The following DMD variants were observed in gnomAD, a reference collection of about 807,000 sequenced individuals.
The protein encoded by DMD is mutant dystrophin.
A neutral mutation model predicts 330.1 loss-of-function variants in DMD; 63 were observed. The ratio of observed to expected loss-of-function variants is 0.19; its 90% CI spans 0.16 to 0.24. The LOEUF is 0.24. Among genes scored for constraint, DMD ranks in the 10% least tolerant of loss-of-function variants. The probability of loss-of-function intolerance (pLI) is 1.00; values close to 1 mark genes in which losing one functional copy is unlikely to be tolerated. For synonymous variants in DMD, 1,223 were observed against 959.8 expected (o/e 1.27, Z -5.07); for missense variants, 3,344 against 2,684.1 (o/e 1.25, Z -5.43).
chrX:32,815,520 T>TACACACACACACACACACACACAC (rs1557051739), intron 6 of DMD, among the ~76,000 whole-genome samples: 3 of 78,959 alleles, frequency 3.8e-5, no homozygotes, highest in African/African-American at 1.6e-4. Context: ...TATATATATA[T>TACACACACACACACACACACACAC]ACACACACAC....
intron 41 of DMD, among the ~76,000 whole-genome samples, chrX:32,317,927 T>A (rs1015119273): frequency 9.1e-6 from 1 of 110,324 alleles, no homozygotes; most frequent in Non-Finnish European, 1.9e-5. Flanking sequence ...GTGTGAGCTA[T>A]AATATGAAAA....
chrX:33,298,345 T>G (rs746047633), intron 1 of DMD, among the ~76,000 whole-genome samples: 3 of 111,787 alleles, frequency 2.7e-5, no homozygotes, highest in Non-Finnish European at 5.7e-5. Context: ...GGAAAACAAT[T>G]TCCTTCTATT....
chrX:33,251,923 T>C (rs1409107028), intron 1 of DMD, among the ~76,000 whole-genome samples: 2 of 112,452 alleles, frequency 1.8e-5, no homozygotes, highest in African/African-American at 6.5e-5. Context: ...GGGATACCCT[T>C]AGAGCTACAA....
intron 59 of DMD, among the ~76,000 whole-genome samples, chrX:31,458,783 C>T (rs747843601): frequency 5.3e-4 from 58 of 109,834 alleles, no homozygotes; most frequent in African/African-American, 1.7e-3. Flanking sequence ...CAAAGTGGGT[C>T]AGATTTCACC....
intron 1 of DMD, among the ~76,000 whole-genome samples, chrX:33,097,148 T>A (rs1183664845): frequency 9.0e-6 from 1 of 111,073 alleles, no homozygotes; most frequent in Non-Finnish European, 1.9e-5. Flanking sequence ...ATAAAACACA[T>A]AAACTATGAT....
At position 32,464,695 on chromosome X, in the gene DMD, T is replaced by C. The variant is rs757192472; in HGVS notation, c.3167A>G (p.His1056Arg). 5.1e-6 allele frequency: 6 copies of C among 1,185,521 alleles called. No homozygotes were observed. In the East Asian group the frequency reaches 1.8e-4, roughly 35 times the overall value. Residue 1056 changes from histidine (H) to arginine (R), a missense_variant, in exon 24 of 79, where the codon CAC (histidine) becomes CGC (arginine). Transcript: ENST00000357033. ...CATCCATTTCTTCAGGGTTTGTATG[T>C]GATTCTGAAACGAGACCCGTTATAA... is the stretch of plus-strand genomic sequence containing the variant. ...QMNKLRKIQN[H>R]IQTLKKWMAE...
chrX:32,538,691 A>G (rs749723864), intron 17 of DMD, among the ~76,000 whole-genome samples: 4 of 111,312 alleles, frequency 3.6e-5, no homozygotes, highest in Non-Finnish European at 7.5e-5. Context: ...TGGGCCCTAA[A>G]TCAGTAGCAG....
chrX:31,505,632 A>G (rs1233364315), intron 56 of DMD, among the ~76,000 whole-genome samples: 35 of 109,650 alleles, frequency 3.2e-4, no homozygotes, highest in Non-Finnish European at 1.9e-5. Context: ...TTTTTCTTTT[A>G]CTTTTTTCTT....
chrX:32,592,947 G>A (rs1263691751), intron 13 of DMD, among the ~76,000 whole-genome samples: 1 of 113,039 alleles, frequency 8.8e-6, no homozygotes, highest in Non-Finnish European at 1.9e-5. Context: ...CAGTACTGGT[G>A]CCTGTAGCTG....
intron 7 of DMD, among the ~76,000 whole-genome samples, chrX:32,721,561 C>A (rs1291991502): frequency 9.1e-6 from 1 of 110,399 alleles, no homozygotes; most frequent in African/African-American, 3.3e-5. Flanking sequence ...TTTAGTTTGT[C>A]ACTATGGAAT....
intron 44 of DMD, among the ~76,000 whole-genome samples, chrX:32,072,495 T>C (rs1445055639): frequency 9.0e-6 from 1 of 111,723 alleles, no homozygotes; most frequent in Non-Finnish European, 1.9e-5. Flanking sequence ...TTGTGTTCTT[T>C]CTTGACTAAC....
chrX:33,216,289 T>C (rs1262802132), upstream of DMD, among the ~76,000 whole-genome samples: 3 of 111,829 alleles, frequency 2.7e-5, no homozygotes, highest in African/African-American at 9.7e-5. Context: ...ATCATGTACT[T>C]TGCAGCAAGA....
At chrX:33,051,148 A>G (rs908062014) in intron 1 of DMD, among the ~76,000 whole-genome samples, 3 of 111,238 alleles carry the variant, frequency 2.7e-5, no homozygotes, top group Non-Finnish European at 3.8e-5. Context: ...TTTCTTTTTA[A>G]AACTAGATAA....
chrX:32,463,514 T>C lies in DMD; in HGVS notation c.3357A>G (p.Ala1119=), dbSNP rs764374263. 8.3e-7 allele frequency: 1 copy of C among 1,203,263 alleles called. No individual in the cohort carries two copies. Among genetic ancestry groups the C allele is most frequent in the South Asian group, 1.8e-5 (1 of 55,508 alleles). Residue 1119 remains alanine (A), a synonymous_variant, in exon 25 of 79, where the codon GCA becomes GCG. Coordinates refer to ENST00000357033, the MANE Select transcript of DMD (RefSeq NM_004006.3). The part of the protein sequence containing the change: ...NEGGQKIKNE[A]EPEFASRLET... ...CAAGTCTCGAAGCAAACTCTGGCTC[T>C]GCTTCATTCTTTATCTTCTGCCCAC...
intron 13 of DMD, among the ~76,000 whole-genome samples, chrX:32,584,465 T>C (rs192042692): frequency 1.8e-5 from 2 of 111,980 alleles, no homozygotes; most frequent in Non-Finnish European, 3.8e-5. Flanking sequence ...CACAAAAATA[T>C]ACGTACAATT....
chrX:32,028,545 G>C (rs759737098), intron 44 of DMD, among the ~76,000 whole-genome samples: 2 of 111,684 alleles, frequency 1.8e-5, no homozygotes, highest in Non-Finnish European at 3.8e-5. Context: ...TCAACAAGGA[G>C]ATTCTGGTAC....
chrX:33,285,271 T>C (rs2053414708), intron 1 of DMD, among the ~76,000 whole-genome samples: 1 of 110,288 alleles, frequency 9.1e-6, no homozygotes, highest in Non-Finnish European at 1.9e-5. Context: ...ATCTCTCTAT[T>C]TAAATCATAG....
At chrX:32,685,843 C>G (rs1262349516) in intron 9 of DMD, among the ~76,000 whole-genome samples, 3 of 111,616 alleles carry the variant, frequency 2.7e-5, no homozygotes, top group Admixed American at 9.6e-5. Context: ...ATAGCATTCT[C>G]ATAATTTAAA....
intron 44 of DMD, among the ~76,000 whole-genome samples, chrX:32,160,669 C>T (rs2096846280): frequency 1.8e-5 from 2 of 111,290 alleles, no homozygotes; most frequent in Non-Finnish European, 1.9e-5. Context: ...GCATACTGTA[C>T]TCAAAGTCCT....
Sources: gnomAD v4.1 joint callset for allele counts (sites outside exome capture counted in the v4.1 genomes callset) on GRCh38, gnomAD v4.1.1 for gene constraint, MANE v1.5 for transcripts, NCBI Gene and HGNC (gene_info 2026-07-23, HGNC 2026-07-21) for gene names.